The following C12orf56 variants were observed in gnomAD, a reference collection of about 807,000 sequenced individuals.
The protein encoded by C12orf56 is uncharacterized protein C12orf56.
Under a neutral mutation model 69.9 loss-of-function variants are expected in C12orf56, and 71 were observed. The observed-to-expected ratio is 1.02, with a 90% CI of 0.84 to 1.24. The LOEUF (loss-of-function observed/expected upper bound fraction) is 1.24. C12orf56 is among the 50% of genes most tolerant of loss of function. The pLI, the probability that C12orf56 is intolerant of heterozygous loss-of-function variation, is 0.00. For missense variants in C12orf56, 732 were observed against 738.5 expected, an observed-to-expected ratio of 0.99 and a Z score of 0.10; for synonymous variants, 276 against 274.1, an observed-to-expected ratio of 1.01 and a Z score of -0.07.
In C12orf56 at chr12:64,384,638, G is replaced by A. The variant is rs57732087; in HGVS notation, c.252+5676C>T. ...CACAAAAGGGGTGAAAGGACTAGGA[G>A]AAAGAGAGGCAAGGGCTGCTGGAGT... On this transcript the variant is annotated intron_variant, in intron 1 of 12. Coordinates refer to ENST00000543942, the MANE Select transcript of C12orf56 (RefSeq NM_001170633.2). 3.5e-3 allele frequency among the ~76,000 whole-genome samples: 532 copies of A among 152,282 alleles called. 15 individuals carry two copies. In the East Asian group the frequency reaches 0.072, roughly 21 times the overall value.
intron 2 of C12orf56, among the ~76,000 whole-genome samples, chr12:64,343,455 A>G (rs2039100526): frequency 6.6e-6 from 1 of 152,232 alleles, no homozygotes; most frequent in Admixed American, 6.5e-5. Flanking sequence ...CAATAAAGGT[A>G]TATTGCTGGC....
chr12:64,322,278 G>A (rs549215259), intron 3 of C12orf56, among the ~76,000 whole-genome samples: 5 of 150,536 alleles, frequency 3.3e-5, no homozygotes, highest in South Asian at 4.2e-4. Context: ...TCTTTTGTTC[G>A]GACTAGATAA....
intron 1 of C12orf56, among the ~76,000 whole-genome samples, chr12:64,387,691 A>C (rs2039812948): frequency 6.6e-6 from 1 of 151,982 alleles, no homozygotes; most frequent in African/African-American, 2.4e-5. Context: ...ACGTGCCTGT[A>C]GTCCCAGCTA....
rs115942642 is a variant in C12orf56 at position 64,348,593 on chromosome 12, C to T, written c.415+4301G>A. Among the ~76,000 whole-genome samples, 774 of 152,110 alleles carry T rather than the reference C, an allele frequency of 5.1e-3. 12 individuals carry two copies. The highest frequency in any genetic ancestry group is 0.018 in the African/African-American group (750 of 41,464). The stretch of plus-strand genomic sequence containing the variant: ...CTAGCTTTTGGATGCTACAGAGGGC[C>T]CCTGGGGCATACAGAAGAGAGGTAA... On this transcript the variant is annotated intron_variant, in intron 2 of 12. Coordinates refer to ENST00000543942, the MANE Select transcript of C12orf56 (RefSeq NM_001170633.2).
At position 64,308,095 on chromosome 12, in the gene C12orf56, G is replaced by C. The variant is rs143493661; in HGVS notation, c.969-4316C>G. Among the ~76,000 whole-genome samples, 1,064 of 152,184 alleles carry C rather than the reference G, an allele frequency of 7.0e-3. 15 individuals are homozygous for C. Among genetic ancestry groups the C allele is most frequent in the African/African-American group, 0.023 (954 of 41,508 alleles). Reference sequence around the variant, plus strand: ...GCACTTTAGGAGGCCCAGGCAGGTGGATTGCCTGAGCTTAGGATTTCGAGA... The same window carrying C: ...GCACTTTAGGAGGCCCAGGCAGGTGCATTGCCTGAGCTTAGGATTTCGAGA... On this transcript the variant is annotated intron_variant, in intron 5 of 12. Coordinates refer to ENST00000543942, the MANE Select transcript of C12orf56 (RefSeq NM_001170633.2).
chr12:64,270,770 A>G lies in C12orf56; in HGVS notation c.1585-56T>C, dbSNP rs1475766526. 3.5e-6 allele frequency: 5 copies of G among 1,443,070 alleles called. No individual in the cohort carries two copies. The East Asian group carries it at 1.2e-4, about 33-fold the overall frequency. 89.4% of individuals were successfully genotyped at this position (1,443,070 alleles called of 1,614,324 possible). Reference sequence around the variant, plus strand: ...CTGTGTGCCACCCACAAAAGCAACTATTTCAGCTGGAGCTTCAACTACAAA... The same window carrying G: ...CTGTGTGCCACCCACAAAAGCAACTGTTTCAGCTGGAGCTTCAACTACAAA... On this transcript the variant is annotated intron_variant, in intron 11 of 12. Transcript: ENST00000543942.
intron 5 of C12orf56, among the ~76,000 whole-genome samples, chr12:64,305,067 A>G (rs1393913433): frequency 1.3e-5 from 2 of 152,182 alleles, no homozygotes; most frequent in Non-Finnish European, 2.9e-5. Flanking sequence ...TTTAAAAAAC[A>G]TCTAAGATGT....
chr12:64,278,211 A>G (rs2038079618), intron 8 of C12orf56, among the ~76,000 whole-genome samples: 1 of 152,220 alleles, frequency 6.6e-6, no homozygotes, highest in African/African-American at 2.4e-5. Context: ...AACCAAGTTC[A>G]TCAGATGTGT....
chr12:64,305,470 C>G (rs1301234665), intron 5 of C12orf56, among the ~76,000 whole-genome samples: 6 of 152,190 alleles, frequency 3.9e-5, no homozygotes, highest in African/African-American at 1.4e-4. Context: ...CAACCTCCGC[C>G]TCCTGAGTTC....
In C12orf56 at chr12:64,285,949, C is replaced by T. The variant is rs1383884276; in HGVS notation, c.1220+5G>A. The T allele has an allele frequency of 2.6e-6, 4 of 1,562,324 alleles. No homozygotes were observed. Among genetic ancestry groups the T allele is most frequent in the Non-Finnish European group, 2.6e-6 (3 of 1,144,070 alleles). ...AAAATCGATGATTATCTAGTTAGTA[C>T]TTACACCAGCTCATCAACCCTTTGG... On this transcript the variant is annotated splice_donor_5th_base_variant and intron_variant, in intron 7 of 12. Transcript: ENST00000543942.
intron 2 of C12orf56, among the ~76,000 whole-genome samples, chr12:64,340,123 G>A (rs2039055777): frequency 6.6e-6 from 1 of 152,086 alleles, no homozygotes; most frequent in Non-Finnish European, 1.5e-5. Context: ...TTCCAAAACT[G>A]AAGAACTTGG....
rs2038921572 is a variant in C12orf56 at position 64,330,943 on chromosome 12, C to T, written c.488+17G>A. On this transcript the variant is annotated intron_variant, in intron 3 of 12. Transcript: ENST00000543942. The stretch of plus-strand genomic sequence containing the variant: ...TTGGTTAGCAAGTTAAACACATACT[C>T]CAAACAACAATCTCACCTGAGAGGA... The T allele has an allele frequency of 2.0e-6, 3 of 1,530,594 alleles. No homozygotes were observed. The highest frequency in any genetic ancestry group is 2.6e-6 in the Non-Finnish European group (3 of 1,136,472). The allele number at this position is 1,530,594 out of a possible 1,614,324, so 94.8% of individuals were successfully genotyped here.
intron 2 of C12orf56, among the ~76,000 whole-genome samples, chr12:64,349,995 G>A (rs2039199525): frequency 6.6e-6 from 1 of 151,898 alleles, no homozygotes; most frequent in African/African-American, 2.4e-5. Flanking sequence ...AGGAGGCTGA[G>A]GCAGGATAAT....
At chr12:64,382,914 C>T (rs985412773) in intron 1 of C12orf56, among the ~76,000 whole-genome samples, 20 of 151,874 alleles carry the variant, frequency 1.3e-4, no homozygotes, top group South Asian at 6.3e-4. Context: ...GAAAGAGATC[C>T]GACCTAACCA....
At chr12:64,311,996 G>T (rs956539398) in intron 5 of C12orf56, among the ~76,000 whole-genome samples, 6 of 152,282 alleles carry the variant, frequency 3.9e-5, no homozygotes, top group Admixed American at 3.3e-4. Flanking sequence ...TAGTAAAGGC[G>T]CAATAAATAA....
At chr12:64,359,095 T>A (rs2039362142) in intron 1 of C12orf56, among the ~76,000 whole-genome samples, 1 of 152,170 alleles carries the variant, frequency 6.6e-6, no homozygotes, top group African/African-American at 2.4e-5. Flanking sequence ...AGGAATAATT[T>A]TCTAACCTTC....
intron 12 of C12orf56, among the ~76,000 whole-genome samples, chr12:64,269,605 T>C (rs74740591): frequency 6.6e-6 from 1 of 152,060 alleles, no homozygotes; most frequent in African/African-American, 2.4e-5. Flanking sequence ...TTTTTTTTTT[T>C]TGAGGCGGAA....
Position 64,270,730 on chromosome 12 carries a change from A to G in C12orf56, c.1585-16T>C, listed in dbSNP as rs1324660458. The stretch of plus-strand genomic sequence containing the variant: ...CAAAAGTAATCTAGACAAGGAAAAT[A>G]CAGTTACATGTAGGCTGTGTGCCAC... On this transcript the variant is annotated splice_polypyrimidine_tract_variant and intron_variant, in intron 11 of 12. Coordinates refer to ENST00000543942, the MANE Select transcript of C12orf56 (RefSeq NM_001170633.2). 11 of 1,590,646 alleles carry G rather than the reference A, an allele frequency of 6.9e-6. No individual in the cohort carries two copies. Among genetic ancestry groups the G allele is most frequent in the Non-Finnish European group, 9.4e-6 (11 of 1,170,122 alleles).
At chr12:64,274,821 CTG>C (rs878886356) in intron 11 of C12orf56, 78 bp downstream of exon 11, 2 of 1,094,078 alleles carry the variant, frequency 1.8e-6, no homozygotes, top group South Asian at 3.6e-5. Flanking sequence ...CAGGGAAAAT[CTG>C]TGTTTTATTA....
Sources: allele counts gnomAD v4.1 joint callset (sites outside exome capture counted in the v4.1 genomes callset), GRCh38; gene constraint gnomAD v4.1.1; transcripts MANE v1.5; gene names NCBI Gene and HGNC (gene_info 2026-07-23, HGNC 2026-07-21).